The following TNS3 variants were observed in gnomAD, a reference collection of about 807,000 sequenced individuals.
TNS3 encodes tensin-3.
A neutral mutation model predicts 140.9 loss-of-function variants in TNS3; 45 were observed. The ratio of observed to expected loss-of-function variants is 0.32; its 90% confidence interval spans 0.25 to 0.41. The LOEUF is 0.41. TNS3 is among the 10% of genes least tolerant of loss of function. The pLI is 1.00. For synonymous variants in TNS3, 815 were observed against 788.4 expected (o/e 1.03, Z -0.56); for missense variants, 1,716 against 1,906.7 (o/e 0.90, Z 1.86).
chr7:47,303,182 A>G lies in TNS3; in HGVS notation c.3225T>C (p.Pro1075=). The G allele has an allele frequency of 6.2e-7, 1 of 1,613,418 alleles. No homozygotes were observed. The highest frequency in any genetic ancestry group is 1.3e-5 in the African/African-American group (1 of 75,030). The change falls in exon 22 of 31, where the codon CCT becomes CCC. Residue 1075 remains proline (P), a synonymous_variant. Coordinates refer to ENST00000311160, the MANE Select transcript of TNS3 (RefSeq NM_022748.12). ...FLSHNFLTVA[P]GHSSHHSPGL... ...CTGGACTGTGGTGGCTGCTGTGTCC[A>G]GGCGCCACCGTGAGAAAGTTGTGGG...
chr7:47,384,520 G>A (rs971976642), intron 16 of TNS3, among the ~76,000 whole-genome samples: 2 of 152,166 alleles, frequency 1.3e-5, no homozygotes, highest in African/African-American at 4.8e-5. Flanking sequence ...ACATTTTATT[G>A]AGGCCCTGGC....
At chr7:47,317,794 G>T (rs564085656) in intron 20 of TNS3, among the ~76,000 whole-genome samples, 30 of 152,148 alleles carry the variant, frequency 2.0e-4, no homozygotes, top group Non-Finnish European at 3.7e-4. Flanking sequence ...AGAAGATCAG[G>T]GTCTAGGGAG....
chr7:47,507,209 G>C (rs191534477), intron 2 of TNS3, among the ~76,000 whole-genome samples: 2 of 152,184 alleles, frequency 1.3e-5, no homozygotes, highest in Non-Finnish European at 1.5e-5. Flanking sequence ...TTGGGAGCAC[G>C]GTCATGAGCA....
chr7:47,306,854 GGT>G (rs1786789696), intron 20 of TNS3, among the ~76,000 whole-genome samples: 1 of 152,224 alleles, frequency 6.6e-6, no homozygotes, highest in South Asian at 2.1e-4. Flanking sequence ...TGGGATTACA[GGT>G]GTGAGCCACC....
chr7:47,285,123 TGACA>T (rs1211683886), intron 27 of TNS3, among the ~76,000 whole-genome samples: 1 of 152,204 alleles, frequency 6.6e-6, no homozygotes, highest in Non-Finnish European at 1.5e-5. Flanking sequence ...CAGGGTGCAT[TGACA>T]CACAAGCCCA....
At chr7:47,558,012 A>G (rs2151993801) in intron 1 of TNS3, among the ~76,000 whole-genome samples, 1 of 152,272 alleles carries the variant, frequency 6.6e-6, no homozygotes, top group East Asian at 1.9e-4. Context: ...CAAATGACAA[A>G]TGACGAGAAC....
intron 10 of TNS3, among the ~76,000 whole-genome samples, chr7:47,421,679 G>A (rs1209159260): frequency 6.6e-6 from 1 of 152,164 alleles, no homozygotes; most frequent in Non-Finnish European, 1.5e-5. Flanking sequence ...ACCAACAGGA[G>A]GCCACACTGG....
At chr7:47,440,804 C>T (rs1194122148) in intron 5 of TNS3, among the ~76,000 whole-genome samples, 1 of 152,224 alleles carries the variant, frequency 6.6e-6, no homozygotes, top group Non-Finnish European at 1.5e-5. Context: ...TCCTTAAGTC[C>T]CTCCAAAGTG....
intron 27 of TNS3, among the ~76,000 whole-genome samples, chr7:47,288,790 A>T (rs1018037831): frequency 2.0e-5 from 3 of 152,214 alleles, no homozygotes; most frequent in African/African-American, 4.8e-5. Context: ...GGCATTGTCA[A>T]TGTCCTATTC....
In TNS3 at chr7:47,303,434, T is replaced by A; in HGVS notation, c.2973A>T (p.Ser991=). 1 of 1,613,526 alleles carries A rather than the reference T, an allele frequency of 6.2e-7. No homozygotes were observed. The highest frequency in any genetic ancestry group is 8.5e-7 in the Non-Finnish European group (1 of 1,180,014). Residue 991 remains serine, a synonymous_variant, in exon 22 of 31, where the codon TCA becomes TCT. Coordinates refer to ENST00000311160, the MANE Select transcript of TNS3 (RefSeq NM_022748.12). ...DSPVLSCFPP[S]ELQAPFHSHE... ...GGCTGTGGAAAGGAGCCTGGAGCTC[T>A]GACGGCGGGAAGCAGGACAGCACTG...
chr7:47,565,732 T>C (rs1408838790), intron 1 of TNS3, among the ~76,000 whole-genome samples: 4 of 152,160 alleles, frequency 2.6e-5, no homozygotes, highest in African/African-American at 9.7e-5. Flanking sequence ...TATAAACAAA[T>C]GCTGAAAATA....
intron 11 of TNS3, among the ~76,000 whole-genome samples, chr7:47,414,329 A>G (rs77589356): frequency 0.037 from 5,675 of 152,330 alleles, 155 homozygotes; most frequent in South Asian, 0.12. Flanking sequence ...GATGTACTTC[A>G]GAGACAATAG....
In TNS3 at chr7:47,485,832, C is replaced by G. The variant is rs78698396; in HGVS notation, c.-114-4691G>C. On this transcript the variant is annotated intron_variant, in intron 3 of 30. Coordinates refer to ENST00000311160, the MANE Select transcript of TNS3 (RefSeq NM_022748.12). ...TGCCTGGGTACACTGGCATCAATAA[C>G]CTTGTCCCCAAGCCAGCAGGTCCAC... Among the ~76,000 whole-genome samples the G allele has an allele frequency of 1.5e-3, 223 of 152,352 alleles. 5 individuals are homozygous for G. The East Asian group carries it at 0.037, about 25-fold the overall frequency.
At chr7:47,391,761 C>A (rs780952520) in intron 16 of TNS3, among the ~76,000 whole-genome samples, 1 of 152,258 alleles carries the variant, frequency 6.6e-6, no homozygotes, top group Non-Finnish European at 1.5e-5. Flanking sequence ...CAAGTCTGAT[C>A]CTGAAAGAGC....
chr7:47,465,981 T>C (rs1045044582), intron 4 of TNS3, among the ~76,000 whole-genome samples: 1 of 151,434 alleles, frequency 6.6e-6, no homozygotes, highest in Admixed American at 6.6e-5. Flanking sequence ...GTCAAGAACA[T>C]TTTAATACAT....
At chr7:47,404,873 C>T (rs936112109) in intron 13 of TNS3, among the ~76,000 whole-genome samples, 3 of 151,586 alleles carry the variant, frequency 2.0e-5, no homozygotes, top group African/African-American at 4.9e-5. Flanking sequence ...GACAGAGAGA[C>T]ACTCAGTCTC....
chr7:47,404,059 C>A (rs1487931170), intron 13 of TNS3, among the ~76,000 whole-genome samples: 2 of 152,202 alleles, frequency 1.3e-5, no homozygotes, highest in African/African-American at 2.4e-5. Flanking sequence ...TATGTTGATC[C>A]TTTGCCTTCA....
intron 13 of TNS3, among the ~76,000 whole-genome samples, chr7:47,403,660 A>C (rs1395300530): frequency 1.3e-5 from 2 of 152,038 alleles, no homozygotes; most frequent in Non-Finnish European, 1.5e-5. Context: ...TCATGAACTG[A>C]CTCCAGCTTC....
chr7:47,427,261 A>C (rs1449385630), intron 9 of TNS3, among the ~76,000 whole-genome samples: 2 of 151,894 alleles, frequency 1.3e-5, no homozygotes. Flanking sequence ...TTTTCCTGGC[A>C]CACACACACA....
Sources: allele counts gnomAD v4.1 joint callset (sites outside exome capture counted in the v4.1 genomes callset), GRCh38; gene constraint gnomAD v4.1.1; transcripts MANE v1.5; gene names NCBI Gene and HGNC (gene_info 2026-07-23, HGNC 2026-07-21).